The following ACOXL variants were observed in gnomAD, a reference collection of about 807,000 sequenced individuals.
ACOXL encodes the protein acyl-CoA oxidase like.
ACOXL carries 70 observed loss-of-function variants against 71.9 expected under a neutral mutation model. That is an observed-to-expected ratio of 0.97 (90% CI 0.80 to 1.19). ACOXL has a LOEUF of 1.19. Among genes scored for constraint, ACOXL ranks in the 50% most tolerant of loss-of-function variants. The pLI is 0.00. For synonymous variants in ACOXL, 253 were observed against 281.6 expected (o/e 0.90, Z 1.02); for missense variants, 703 against 736.3 (o/e 0.95, Z 0.52).
intron 5 of ACOXL, 95 bp from the exon 6 acceptor site, chr2:110,798,515 C>G (rs1223463454): frequency 3.0e-6 from 3 of 1,012,360 alleles, no homozygotes; most frequent in Non-Finnish European, 3.1e-6. Context: ...CTCGGCCCCC[C>G]AAAGTGCTGG....
intron 2 of ACOXL, among the ~76,000 whole-genome samples, chr2:110,782,225 G>A (rs1683426401): frequency 1.3e-5 from 2 of 152,184 alleles, no homozygotes; most frequent in South Asian, 4.1e-4. Flanking sequence ...CAATGTAGAA[G>A]AGCACATAAC....
At chr2:110,738,944 A>G (rs1677185166) in intron 1 of ACOXL, among the ~76,000 whole-genome samples, 1 of 151,898 alleles carries the variant, frequency 6.6e-6, no homozygotes, top group South Asian at 2.1e-4. Context: ...TTTAATTTTC[A>G]AAAGTTCTCT....
chr2:111,087,947 GACAAAA>G (rs965332823), intron 16 of ACOXL, among the ~76,000 whole-genome samples: 6 of 152,054 alleles, frequency 3.9e-5, no homozygotes, highest in African/African-American at 1.4e-4. Flanking sequence ...AAATTTATAA[GACAAAA>G]ACAAACAACC....
At chr2:110,863,662 C>T (rs1019109484) in intron 10 of ACOXL, among the ~76,000 whole-genome samples, 3 of 152,086 alleles carry the variant, frequency 2.0e-5, no homozygotes, top group Non-Finnish European at 4.4e-5. Flanking sequence ...ATGGGTGGGA[C>T]ACATTCCATT....
At chr2:111,006,352 A>T (rs1054238852) in intron 14 of ACOXL, among the ~76,000 whole-genome samples, 1 of 152,202 alleles carries the variant, frequency 6.6e-6, no homozygotes, top group Non-Finnish European at 1.5e-5. Flanking sequence ...TAGGGAAAGG[A>T]CGATGTCGTA....
At chr2:111,042,609 G>T (rs2065836607) in intron 15 of ACOXL, among the ~76,000 whole-genome samples, 1 of 152,224 alleles carries the variant, frequency 6.6e-6, no homozygotes, top group African/African-American at 2.4e-5. Context: ...GTGTTTGGGA[G>T]AAAGGCCAAG....
chr2:110,761,307 A>T (rs986002626), intron 1 of ACOXL, among the ~76,000 whole-genome samples: 3 of 152,104 alleles, frequency 2.0e-5, no homozygotes, highest in Admixed American at 6.5e-5. Flanking sequence ...GACACCCAAG[A>T]TCCCTTTACT....
chr2:110,812,718 A>T (rs1466965373), intron 9 of ACOXL, among the ~76,000 whole-genome samples: 1 of 152,258 alleles, frequency 6.6e-6, no homozygotes, highest in African/African-American at 2.4e-5. Flanking sequence ...AGCACAGGAC[A>T]TGTGTATCTG....
chr2:110,928,376 G>A (rs1312537064), intron 11 of ACOXL, among the ~76,000 whole-genome samples: 1 of 152,158 alleles, frequency 6.6e-6, no homozygotes, highest in Non-Finnish European at 1.5e-5. Context: ...TAGACTTTAT[G>A]AATATTTGTT....
chr2:111,049,353 G>GT, intron 16 of ACOXL, 65 bp downstream of exon 16: 1 of 1,288,870 alleles, frequency 7.8e-7, no homozygotes, highest in Non-Finnish European at 1.1e-6. Context: ...CCTGAGGAGA[G>GT]TTTCATTTTT....
chr2:110,889,206 C>G (rs1697661586), intron 10 of ACOXL, among the ~76,000 whole-genome samples: 1 of 152,160 alleles, frequency 6.6e-6, no homozygotes, highest in South Asian at 2.1e-4. Context: ...CACAAAGTGC[C>G]ACATGGATGT....
At chr2:110,957,342 A>G (rs1046478215) in intron 12 of ACOXL, among the ~76,000 whole-genome samples, 1 of 152,202 alleles carries the variant, frequency 6.6e-6, no homozygotes, top group African/African-American at 2.4e-5. Context: ...AGATTTGTTC[A>G]TGTTGGAGAA....
At chr2:110,973,140 CT>C (rs1215697829) in intron 12 of ACOXL, among the ~76,000 whole-genome samples, 3 of 152,172 alleles carry the variant, frequency 2.0e-5, no homozygotes, top group African/African-American at 7.2e-5. Context: ...CATTAGTGCT[CT>C]TCCCTCTTCA....
At chr2:110,907,476 T>C (rs528048780) in intron 10 of ACOXL, among the ~76,000 whole-genome samples, 2 of 152,122 alleles carry the variant, frequency 1.3e-5, no homozygotes, top group Non-Finnish European at 2.9e-5. Context: ...CAGCAAAAGC[T>C]GAGAGGTTTC....
chr2:110,985,766 T>C (rs2062905652), intron 12 of ACOXL, among the ~76,000 whole-genome samples: 1 of 152,214 alleles, frequency 6.6e-6, no homozygotes, highest in East Asian at 1.9e-4. Flanking sequence ...AGTTCAGGGC[T>C]CTTAACTGCC....
intron 9 of ACOXL, among the ~76,000 whole-genome samples, chr2:110,830,722 A>G (rs935936401): frequency 5.9e-5 from 9 of 152,020 alleles, no homozygotes; most frequent in African/African-American, 2.2e-4. Context: ...TTTAGTTGAG[A>G]CAGGGTTTCA....
intron 14 of ACOXL, among the ~76,000 whole-genome samples, chr2:111,015,357 A>G (rs2064376642): frequency 6.6e-6 from 1 of 152,260 alleles, no homozygotes; most frequent in Non-Finnish European, 1.5e-5. Flanking sequence ...TAATGAGCAC[A>G]TGCAACTTTG....
chr2:110,886,803 T>A (rs1449977121), intron 10 of ACOXL: 2 of 1,550,970 alleles, frequency 1.3e-6, no homozygotes, highest in Admixed American at 2.0e-5. Flanking sequence ...CTCCCAGAAC[T>A]GCTGTTCAGC....
intron 16 of ACOXL, among the ~76,000 whole-genome samples, chr2:111,078,361 T>G (rs112401129): frequency 0.058 from 8,854 of 152,200 alleles, 451 homozygotes; most frequent in African/African-American, 0.13. Flanking sequence ...GCCTCCCATA[T>G]TCAAGCAATC....
Sources: allele counts gnomAD v4.1 joint callset (sites outside exome capture counted in the v4.1 genomes callset), GRCh38; gene constraint gnomAD v4.1.1; transcripts MANE v1.5; gene names NCBI Gene and HGNC (gene_info 2026-07-23, HGNC 2026-07-21).